ANKS1A: variants seen among roughly 807,000 people sequenced by gnomAD.
The protein encoded by ANKS1A is ankyrin repeat and SAM domain-containing protein 1A.
In ANKS1A, 55 loss-of-function variants were observed where a neutral mutation model predicts 120.3. The ratio of observed to expected loss-of-function variants is 0.46; its 90% CI spans 0.37 to 0.57. ANKS1A has a LOEUF of 0.57. Among genes scored for constraint, ANKS1A ranks in the 20% least tolerant of loss-of-function variants. The probability of loss-of-function intolerance (pLI) is 0.00; values close to 1 mark genes in which losing one functional copy is unlikely to be tolerated. For synonymous variants in ANKS1A, 590 were observed against 604.7 expected (o/e 0.98, Z 0.36); for missense variants, 1,123 against 1,480.3 (o/e 0.76, Z 3.96).
At chr6:35,012,737 G>A (rs1458634342) in intron 10 of ANKS1A, among the ~76,000 whole-genome samples, 2 of 152,184 alleles carry the variant, frequency 1.3e-5, no homozygotes, top group Non-Finnish European at 2.9e-5. Flanking sequence ...CAGGGTATAA[G>A]GAAAATGAAT....
intron 10 of ANKS1A, among the ~76,000 whole-genome samples, chr6:35,006,094 A>G (rs1004598653): frequency 6.6e-6 from 1 of 151,250 alleles, no homozygotes; most frequent in Non-Finnish European, 1.5e-5. Flanking sequence ...AGGCTGAGGC[A>G]GGAGAATCGC....
At chr6:34,896,427 G>C (rs1561833980) in intron 1 of ANKS1A, among the ~76,000 whole-genome samples, 1 of 151,724 alleles carries the variant, frequency 6.6e-6, no homozygotes, top group Non-Finnish European at 1.5e-5. Context: ...GGGCAGCCCT[G>C]TTCCTGCATT....
At chr6:34,905,706 G>A (rs780705019) in intron 1 of ANKS1A, among the ~76,000 whole-genome samples, 3 of 152,146 alleles carry the variant, frequency 2.0e-5, no homozygotes, top group Non-Finnish European at 4.4e-5. Context: ...TCATGTGGCC[G>A]TCAGAGTTTG....
chr6:34,899,120 T>C (rs577367555), intron 1 of ANKS1A, among the ~76,000 whole-genome samples: 1 of 152,352 alleles, frequency 6.6e-6, no homozygotes, highest in African/African-American at 2.4e-5. Flanking sequence ...TGAGGACTCA[T>C]AGTAATTCTG....
intron 10 of ANKS1A, among the ~76,000 whole-genome samples, chr6:35,012,964 A>G (rs970797661): frequency 2.8e-4 from 42 of 152,166 alleles, no homozygotes; most frequent in African/African-American, 9.9e-4. Context: ...TCTCTTCTGC[A>G]ACTTCACTAG....
chr6:34,982,084 ACGTTTC>A lies in ANKS1A; in HGVS notation c.732+99_732+104del. On this transcript the variant is annotated intron_variant, in intron 4 of 23. Transcript: ENST00000360359. This position sits in a 1 kb window ranked among gnomAD's most constrained non-coding sequence, Gnocchi z 4.9. ...TGCTGGGCTGTGCTCTTTATTTAGC[ACGTTTC>A]ACATCATGTTTCAAATGCTTATTTG... The A allele has an allele frequency of 7.1e-7, 1 of 1,406,902 alleles. No homozygotes were observed. Among genetic ancestry groups the A allele is most frequent in the Non-Finnish European group, 9.6e-7 (1 of 1,041,354 alleles). 87.2% of individuals were successfully genotyped at this position (1,406,902 alleles called of 1,614,324 possible).
rs571051104 is a variant in ANKS1A at position 35,024,193 on chromosome 6, G to GT, written c.2010+6135dup. 3.9e-5 allele frequency among the ~76,000 whole-genome samples: 6 copies of GT among 152,102 alleles called. No individual in the cohort carries two copies. In the South Asian group the frequency reaches 1.0e-3, roughly 26 times the overall value. On this transcript the variant is annotated intron_variant, in intron 11 of 23. Transcript: ENST00000360359. ...GTTCCTGCGGCAGAGTCTCCTTTTGGTATGTCTTTATCCTCTGTCTCTTGC... is the reference window on the plus strand; with the variant it reads ...GTTCCTGCGGCAGAGTCTCCTTTTGGTTATGTCTTTATCCTCTGTCTCTTGC...
At chr6:34,973,288 C>T (rs757454676) in intron 3 of ANKS1A, among the ~76,000 whole-genome samples, 2 of 152,136 alleles carry the variant, frequency 1.3e-5, no homozygotes, top group Non-Finnish European at 2.9e-5. Context: ...ACCCAGGAAG[C>T]GTTCTGAAAT....
intron 11 of ANKS1A, among the ~76,000 whole-genome samples, chr6:35,038,603 T>C (rs1223643981): frequency 1.3e-5 from 2 of 152,176 alleles, no homozygotes; most frequent in Non-Finnish European, 2.9e-5. Context: ...TGCCTCAGCC[T>C]CCCCAGTAGG....
intron 1 of ANKS1A, among the ~76,000 whole-genome samples, chr6:34,954,030 G>A (rs1770220117): frequency 6.6e-6 from 1 of 152,174 alleles, no homozygotes; most frequent in Non-Finnish European, 1.5e-5. Flanking sequence ...AGGCACTGGA[G>A]ATATAAGGCT....
chr6:34,928,945 A>G (rs1486727572), intron 1 of ANKS1A, among the ~76,000 whole-genome samples: 5 of 152,226 alleles, frequency 3.3e-5, no homozygotes, highest in Non-Finnish European at 7.3e-5. Context: ...GGCTGTGCCC[A>G]CTTATACTAG....
rs1308936694 is a variant in ANKS1A, at chr6:35,089,699, G to T, written c.*1090G>T. On this transcript the variant is annotated 3_prime_UTR_variant, in exon 24 of 24. Coordinates refer to ENST00000360359, the MANE Select transcript of ANKS1A (RefSeq NM_015245.3). Reference sequence around the variant, plus strand: ...GCCTTTGGGGCAGGCTGGCATCCCGGTGCGCCTCTGCTTCTTAAGCTTTCC... The same window carrying T: ...GCCTTTGGGGCAGGCTGGCATCCCGTTGCGCCTCTGCTTCTTAAGCTTTCC... The T allele has an allele frequency of 1.0e-5, 10 of 992,622 alleles. No homozygotes were observed. The highest frequency in any genetic ancestry group is 1.7e-5 in the African/African-American group (1 of 57,340). 61.5% of individuals were successfully genotyped at this position (992,622 alleles called of 1,614,324 possible). A position where few individuals can be genotyped will look rare whatever the true frequency, so the allele number is the denominator to read the frequency against.
chr6:35,059,937 A>G (rs1776404083), intron 12 of ANKS1A, among the ~76,000 whole-genome samples: 1 of 152,176 alleles, frequency 6.6e-6, no homozygotes, highest in Non-Finnish European at 1.5e-5. Context: ...GAGGCTGGGC[A>G]GTGTGTGGAC....
In ANKS1A at chr6:34,982,699, C is replaced by T. The variant is rs544351889; in HGVS notation, c.733-53C>T. 1.3e-5 allele frequency: 20 copies of T among 1,579,788 alleles called. No homozygotes were observed. The Middle Eastern group carries it at 8.3e-4, about 66-fold the overall frequency. On this transcript the variant is annotated intron_variant, in intron 4 of 23. Coordinates refer to ENST00000360359, the MANE Select transcript of ANKS1A (RefSeq NM_015245.3). This position sits in a 1 kb window ranked among gnomAD's most constrained non-coding sequence, Gnocchi z 4.9. ...CTGTGTCCCCTTTGTCACGTGAAGC[C>T]GCACCAAACTGTTCTGATGACATCC...
chr6:35,017,354 G>C (rs1481123342), intron 10 of ANKS1A, 119 bp from the exon 11 acceptor site: 3 of 1,068,608 alleles, frequency 2.8e-6, no homozygotes, highest in Non-Finnish European at 4.0e-6. Context: ...AGCCTATCCA[G>C]TTTCTCTCTC....
intron 1 of ANKS1A, among the ~76,000 whole-genome samples, chr6:34,961,152 C>G (rs1229223188): frequency 6.6e-6 from 1 of 152,180 alleles, no homozygotes; most frequent in Non-Finnish European, 1.5e-5. Flanking sequence ...GTTGTTTTCT[C>G]TGGTTCTTGA....
chr6:34,982,959 G>A lies in ANKS1A; in HGVS notation c.808+132G>A. 7.8e-7 allele frequency: 1 copy of A among 1,274,100 alleles called. No homozygotes were observed. The highest frequency in any genetic ancestry group is 2.3e-5 in the East Asian group (1 of 43,148). 78.9% of individuals were successfully genotyped at this position (1,274,100 alleles called of 1,614,324 possible). On this transcript the variant is annotated intron_variant, in intron 5 of 23. Coordinates refer to ENST00000360359, the MANE Select transcript of ANKS1A (RefSeq NM_015245.3). The surrounding 1 kb of genome is among the most constrained non-coding windows in gnomAD (Gnocchi z 4.9). ...GTGTATCTCCACTGGTTGATTACAA[G>A]TGTGTAAACTGTTCTTGAATAGCTG...
chr6:35,051,649 T>A (rs1274130850), intron 11 of ANKS1A, among the ~76,000 whole-genome samples: 1 of 152,210 alleles, frequency 6.6e-6, no homozygotes, highest in Non-Finnish European at 1.5e-5. Flanking sequence ...GCAAATAAAA[T>A]ACGCTTGATG....
downstream of ANKS1A, among the ~76,000 whole-genome samples, chr6:35,095,263 A>C (rs1778426909): frequency 6.6e-6 from 1 of 152,092 alleles, no homozygotes; most frequent in African/African-American, 2.4e-5. Context: ...AAACTCTGCG[A>C]AAGTGGTTAG....
Sources: gnomAD v4.1 joint callset for allele counts (sites outside exome capture counted in the v4.1 genomes callset) on GRCh38, gnomAD v4.1.1 for gene constraint, Gnocchi (gnomAD v3.1) non-coding constraint, MANE v1.5 for transcripts, NCBI Gene and HGNC (gene_info 2026-07-23, HGNC 2026-07-21) for gene names.